TNRC6B: variants seen among roughly 807,000 people sequenced by gnomAD.
TNRC6B encodes trinucleotide repeat-containing gene 6B protein.
TNRC6B carries 52 observed loss-of-function variants against 203.6 expected under a neutral mutation model. The ratio of observed to expected loss-of-function variants is 0.26; its 90% CI spans 0.20 to 0.32. TNRC6B has a LOEUF of 0.32. TNRC6B is among the 10% of genes least tolerant of loss of function. The probability of loss-of-function intolerance (pLI) is 1.00; values close to 1 mark genes in which losing one functional copy is unlikely to be tolerated. For synonymous variants in TNRC6B, 838 were observed against 845.7 expected (o/e 0.99, Z 0.16); for missense variants, 1,923 against 2,286.2 (o/e 0.84, Z 3.24).
At chr22:40,273,711 C>G (rs2070597907) in intron 7 of TNRC6B, 111 bp downstream of exon 7, 2 of 1,247,666 alleles carry the variant, frequency 1.6e-6, no homozygotes, top group Non-Finnish European at 2.2e-6. Context: ...GTCACCCAGA[C>G]TGGAGTGCAG....
chr22:40,315,844 A>G (rs757674589), intron 20 of TNRC6B, 98 bp from the exon 21 acceptor site: 111 of 930,534 alleles, frequency 1.2e-4, no homozygotes, highest in Non-Finnish European at 1.2e-4. Flanking sequence ...TTATAAAAGC[A>G]GAGAAGAAAT....
At chr22:40,258,426 C>T (rs2070318611) in intron 3 of TNRC6B, among the ~76,000 whole-genome samples, 1 of 151,970 alleles carries the variant, frequency 6.6e-6, no homozygotes, top group Non-Finnish European at 1.5e-5. Flanking sequence ...TGTTGCTCTC[C>T]AATTAGTGCC....
chr22:40,135,068 A>G (rs138892583), intron 3 of TNRC6B, among the ~76,000 whole-genome samples: 1 of 152,324 alleles, frequency 6.6e-6, no homozygotes, highest in East Asian at 1.9e-4. Flanking sequence ...TAGGAGACCA[A>G]CTTGAGGCTG....
rs1555884665 is a variant in TNRC6B, at chr22:40,132,951, A to AAAAAT, written c.45+7093_45+7094insTAAAA. On this transcript the variant is annotated intron_variant, in intron 3 of 23. Coordinates refer to the TNRC6B transcript ENST00000301923. ...AGAGCAAGACTCTGTCTCAAAAAAA[A>AAAAAT]AAAAAAAAAAAAAAAAAAATATATA... Among the ~76,000 whole-genome samples, 87 of 84,908 alleles carry AAAAAT rather than the reference A, an allele frequency of 1.0e-3. 1 individual carries two copies. Among genetic ancestry groups the AAAAAT allele is most frequent in the African/African-American group, 4.0e-3 (87 of 21,578 alleles). 55.7% of individuals were successfully genotyped at this position (84,908 alleles called of 152,430 possible). A position where few individuals can be genotyped will look rare whatever the true frequency, so the allele number is the denominator to read the frequency against.
At chr22:40,170,757 ATG>A (rs1300913450) in intron 4 of TNRC6B, among the ~76,000 whole-genome samples, 15 of 122,768 alleles carry the variant, frequency 1.2e-4, no homozygotes, top group East Asian at 2.3e-4. Context: ...ATGTACATAT[ATG>A]TGTGTATATA....
intron 7 of TNRC6B, among the ~76,000 whole-genome samples, chr22:40,275,570 G>T (rs1011643187): frequency 6.6e-6 from 1 of 152,038 alleles, no homozygotes; most frequent in African/African-American, 2.4e-5. Flanking sequence ...CCATCTATCC[G>T]CAGAACTCTT....
At chr22:40,234,721 T>A (rs1357928620) in intron 1 of TNRC6B, among the ~76,000 whole-genome samples, 1 of 152,186 alleles carries the variant, frequency 6.6e-6, no homozygotes, top group Non-Finnish European at 1.5e-5. Flanking sequence ...AAAAATGCAT[T>A]TACCTTAATC....
intron 1 of TNRC6B, chr22:40,107,152 A>G (rs2068291980): frequency 1.8e-6 from 1 of 565,036 alleles, no homozygotes; most frequent in Non-Finnish European, 3.1e-6. Context: ...GGTTTTTAAT[A>G]CTAGGTACTT....
At chr22:40,269,080 A>C (rs559278202) in intron 5 of TNRC6B, among the ~76,000 whole-genome samples, 20 of 146,482 alleles carry the variant, frequency 1.4e-4, no homozygotes, top group African/African-American at 5.1e-4. Flanking sequence ...ATAGCTTCCA[A>C]TTTTAGCACA....
At chr22:40,085,607 TTA>T (rs2068093553) in intron 1 of TNRC6B, among the ~76,000 whole-genome samples, 1 of 152,206 alleles carries the variant, frequency 6.6e-6, no homozygotes, top group South Asian at 2.1e-4. Context: ...AAACTTGTAG[TTA>T]TATCCAGAGG....
intron 1 of TNRC6B, among the ~76,000 whole-genome samples, chr22:40,094,595 G>GT (rs1347475504): frequency 5.3e-5 from 8 of 152,284 alleles, no homozygotes; most frequent in Non-Finnish European, 1.0e-4. Context: ...TAAAACAGCT[G>GT]TTTCACTTTC....
Position 40,143,732 on chromosome 22 carries a change from G to A in TNRC6B, c.46-12383G>A, listed in dbSNP as rs373747048. On this transcript the variant is annotated intron_variant, in intron 3 of 23. Coordinates refer to the TNRC6B transcript ENST00000301923. ...AGGATGGTCTCGATCTCCTGACCTCGTGATCCGCCCGCCTTGGCCACCCAA... is the reference window on the plus strand; with the variant it reads ...AGGATGGTCTCGATCTCCTGACCTCATGATCCGCCCGCCTTGGCCACCCAA... Among the ~76,000 whole-genome samples the A allele has an allele frequency of 5.1e-4, 77 of 152,248 alleles. 1 individual carries two copies. The highest frequency in any genetic ancestry group is 1.0e-3 in the Admixed American group (16 of 15,286).
intron 1 of TNRC6B, among the ~76,000 whole-genome samples, chr22:40,112,546 G>A (rs539935814): frequency 2.6e-5 from 4 of 152,160 alleles, no homozygotes; most frequent in African/African-American, 4.8e-5. Context: ...CTGGCCCAGT[G>A]GCTGGATCTT....
In TNRC6B at chr22:40,315,280, C is replaced by T. The variant is rs779064350; in HGVS notation, c.4679-3C>T. On this transcript the variant is annotated splice_region_variant and splice_polypyrimidine_tract_variant and intron_variant, in intron 19 of 22. Coordinates refer to ENST00000454349, the MANE Select transcript of TNRC6B (RefSeq NM_001162501.2). ...TTCCTTCCTTAATTTTCTCTTCTTA[C>T]AGCAAAGTTCCCTGATTACAAATCA... The T allele has an allele frequency of 6.2e-7, 1 of 1,613,228 alleles. No individual in the cohort carries two copies. Among genetic ancestry groups the T allele is most frequent in the Admixed American group, 1.7e-5 (1 of 60,004 alleles).
chr22:40,125,924 G>T (rs979653419), intron 3 of TNRC6B: 18 of 1,478,744 alleles, frequency 1.2e-5, no homozygotes, highest in Non-Finnish European at 1.5e-5. Flanking sequence ...CTGTGGATGA[G>T]TAGAATGGGT....
At position 40,322,769 on chromosome 22, in the gene TNRC6B, T is replaced by C. The variant is rs957175034; in HGVS notation, c.5115-85T>C. On this transcript the variant is annotated intron_variant, in intron 22 of 22. Transcript: ENST00000454349. ...AGCTTCTAGTCAAAGGACTGCACAT[T>C]GAATGTCAAGGACTGCAGTCGCTCC... The C allele has an allele frequency of 8.0e-6, 12 of 1,499,250 alleles. No homozygotes were observed. The African/African-American group carries it at 1.5e-4, about 19-fold the overall frequency. 92.9% of individuals were successfully genotyped at this position (1,499,250 alleles called of 1,614,324 possible).
upstream of TNRC6B, among the ~76,000 whole-genome samples, chr22:40,174,742 G>A (rs938287959): frequency 6.6e-6 from 1 of 151,210 alleles, no homozygotes; most frequent in African/African-American, 2.4e-5. Flanking sequence ...GGAGAATGGC[G>A]TGAACCCGGG....
intron 1 of TNRC6B, among the ~76,000 whole-genome samples, chr22:40,188,228 TAAAG>T (rs1239411179): frequency 6.6e-6 from 1 of 151,926 alleles, no homozygotes; most frequent in Non-Finnish European, 1.5e-5. Context: ...TAAAACAAAA[TAAAG>T]AAATGATCTT....
intron 3 of TNRC6B, among the ~76,000 whole-genome samples, chr22:40,141,117 C>G (rs1307286666): frequency 2.0e-5 from 3 of 150,722 alleles, no homozygotes; most frequent in African/African-American, 7.3e-5. Flanking sequence ...TCAAATTTCT[C>G]TCTCTCTACT....
Sources: allele counts gnomAD v4.1 joint callset (sites outside exome capture counted in the v4.1 genomes callset), GRCh38; gene constraint gnomAD v4.1.1; transcripts MANE v1.5; gene names NCBI Gene and HGNC (gene_info 2026-07-23, HGNC 2026-07-21).